ITPR1: variants seen among roughly 807,000 people sequenced by gnomAD.
The protein encoded by ITPR1 is inositol 1,4,5-trisphosphate-gated calcium channel ITPR1.
In ITPR1, 96 loss-of-function variants were observed where a neutral mutation model predicts 318.4. The observed-to-expected ratio is 0.30, with a 90% CI of 0.26 to 0.36. ITPR1 has a LOEUF of 0.36. Ranked by LOEUF, ITPR1 falls within the 10% of genes least tolerant of loss-of-function variation. ITPR1 has a pLI of 1.00. For synonymous variants in ITPR1, 1,312 were observed against 1,289.9 expected, an observed-to-expected ratio of 1.02 and a Z score of -0.37; for missense variants, 2,440 against 3,460.2, an observed-to-expected ratio of 0.71 and a Z score of 7.40.
Position 4,814,584 on chromosome 3 carries a change from G to A in ITPR1, c.7701+22G>A, listed in dbSNP as rs201628446. On this transcript the variant is annotated intron_variant, in intron 58 of 61. Transcript: ENST00000649015. ...AGAGGTAAATTAATCCCGAGGGGAA[G>A]GAAGGGCAAAGGGGGCGGGTGGGGT... The A allele has an allele frequency of 1.8e-3, 2,593 of 1,468,186 alleles. 12 individuals are homozygous for A. Among genetic ancestry groups the A allele is most frequent in the Non-Finnish European group, 1.5e-3 (1,554 of 1,062,358 alleles). The allele number at this position is 1,468,186 out of a possible 1,614,324, so 90.9% of individuals were successfully genotyped here.
intron 4 of ITPR1, among the ~76,000 whole-genome samples, chr3:4,557,520 C>T (rs1316246152): frequency 1.3e-5 from 2 of 152,044 alleles, no homozygotes; most frequent in Non-Finnish European, 2.9e-5. Flanking sequence ...CTATGTTGAC[C>T]AGGTTGGCCA....
At chr3:4,726,992 A>G in intron 41 of ITPR1, 134 bp from the exon 42 acceptor site, 1 of 721,382 alleles carries the variant, frequency 1.4e-6, no homozygotes. Context: ...AAAAACAAAA[A>G]TCCAGACCTA....
intron 4 of ITPR1, among the ~76,000 whole-genome samples, chr3:4,532,260 C>T (rs1157976676): frequency 6.6e-6 from 1 of 152,178 alleles, no homozygotes; most frequent in African/African-American, 2.4e-5. Flanking sequence ...GGCATTGCTT[C>T]TGAGATCTGA....
chr3:4,804,250 G>A (rs555604872), intron 54 of ITPR1, among the ~76,000 whole-genome samples: 2 of 152,346 alleles, frequency 1.3e-5, no homozygotes, highest in South Asian at 4.2e-4. Context: ...GAGACAGAGA[G>A]AGAATATTGG....
At position 4,680,573 on chromosome 3, in the gene ITPR1, G is replaced by A. The variant is rs778697460; in HGVS notation, c.2988G>A (p.Leu996=). ...EILQFILNVR[L]DYRISCLLCI... ...TTTAGTTTATTTTGAATGTGAGGTT[G>A]GATTATAGGATCTCCTGCCTCCTGT... Residue 996 remains leucine (L), a synonymous_variant, in exon 25 of 62, where the codon TTG becomes TTA. Coordinates refer to ENST00000649015, the MANE Select transcript of ITPR1 (RefSeq NM_001378452.1). 6.2e-7 allele frequency: 1 copy of A among 1,613,102 alleles called. No individual in the cohort carries two copies. The highest frequency in any genetic ancestry group is 8.5e-7 in the Non-Finnish European group (1 of 1,179,188).
intron 40 of ITPR1, among the ~76,000 whole-genome samples, chr3:4,723,086 T>A (rs2042276893): frequency 6.6e-6 from 1 of 152,194 alleles, no homozygotes; most frequent in South Asian, 2.1e-4. Context: ...AGGCGGAGGT[T>A]GCAGTGAGCC....
At chr3:4,655,458 G>A (rs2093685105) in intron 12 of ITPR1, among the ~76,000 whole-genome samples, 1 of 152,130 alleles carries the variant, frequency 6.6e-6, no homozygotes, top group Admixed American at 6.5e-5. Context: ...GTGTGACCTT[G>A]GACAAGTTAC....
Position 4,512,424 on chromosome 3 carries a change from G to A in ITPR1, c.-16-4052G>A, listed in dbSNP as rs190388665. On this transcript the variant is annotated intron_variant, in intron 2 of 61. Coordinates refer to ENST00000649015, the MANE Select transcript of ITPR1 (RefSeq NM_001378452.1). ...CTTCCAACTTTTATTCCATGATTCTGTGTTTTTTGAAAGGTTAGAATGCTC... is the reference window on the plus strand; with the variant it reads ...CTTCCAACTTTTATTCCATGATTCTATGTTTTTTGAAAGGTTAGAATGCTC... Among the ~76,000 whole-genome samples the A allele has an allele frequency of 2.0e-5, 3 of 152,310 alleles. No homozygotes were observed. The East Asian group carries it at 5.8e-4, about 29-fold the overall frequency.
chr3:4,628,736 G>T (rs890599802), intron 5 of ITPR1, among the ~76,000 whole-genome samples: 1 of 152,182 alleles, frequency 6.6e-6, no homozygotes, highest in Non-Finnish European at 1.5e-5. Context: ...GTTGCTTGTT[G>T]CAGTGGGCTT....
At chr3:4,790,884 A>T (rs1050190090) in intron 52 of ITPR1, among the ~76,000 whole-genome samples, 2 of 152,202 alleles carry the variant, frequency 1.3e-5, no homozygotes, top group Middle Eastern at 3.2e-3. Context: ...GTGCACTCAC[A>T]TCCTCTCTCT....
At chr3:4,622,528 G>A (rs9818871) in intron 4 of ITPR1, among the ~76,000 whole-genome samples, 93,820 of 149,114 alleles carry the variant, frequency 0.63, 29,869 homozygotes, top group South Asian at 0.78. Flanking sequence ...GGTTCAAGTG[G>A]TTCTCCTGCC....
intron 18 of ITPR1, 85 bp downstream of exon 18, chr3:4,667,634 T>C: frequency 1.5e-6 from 2 of 1,322,556 alleles, no homozygotes; most frequent in Non-Finnish European, 2.1e-6. Context: ...CTACGTTTCC[T>C]TGTGCTGCTA....
intron 12 of ITPR1, among the ~76,000 whole-genome samples, chr3:4,655,338 C>A (rs73807107): frequency 0.022 from 3,404 of 152,094 alleles, 129 homozygotes; most frequent in African/African-American, 0.077. Context: ...TGTGCTCTGG[C>A]GGGTAGAGGG....
At position 4,639,467 on chromosome 3, in the gene ITPR1, C is replaced by G. The variant is rs1283485332; in HGVS notation, c.363C>G (p.Ile121Met). 1 of 1,573,686 alleles carries G rather than the reference C, an allele frequency of 6.4e-7. No homozygotes were observed. The highest frequency in any genetic ancestry group is 8.6e-7 in the Non-Finnish European group (1 of 1,157,912). ...CCGTAATCCAGTATGGCAATGTGAT[C>G]CAGGTAGGTCAAGGCAGCTCTTCCC... ...LGTVIQYGNV[I>M]QLLHLKSNKY... is the part of the protein sequence containing the mutation. Residue 121 changes from isoleucine to methionine, a missense_variant, in exon 6 of 62, where the codon ATC (isoleucine) becomes ATG (methionine). This residue lies in a region of ITPR1 where 186 missense variants were observed against 323.9 expected (regional missense o/e 0.57). Coordinates refer to ENST00000649015, the MANE Select transcript of ITPR1 (RefSeq NM_001378452.1).
chr3:4,631,178 C>T (rs1170892925), intron 5 of ITPR1, among the ~76,000 whole-genome samples: 1 of 152,210 alleles, frequency 6.6e-6, no homozygotes, highest in Non-Finnish European at 1.5e-5. Context: ...TGGGCGACTG[C>T]ATATCCAGTG....
intron 37 of ITPR1, among the ~76,000 whole-genome samples, chr3:4,708,346 G>T (rs767127839): frequency 1.3e-5 from 2 of 152,120 alleles, no homozygotes; most frequent in Admixed American, 6.5e-5. Flanking sequence ...ATCTTAACTT[G>T]ACCTATGAAA....
intron 4 of ITPR1, among the ~76,000 whole-genome samples, chr3:4,616,198 A>G (rs894863178): frequency 2.0e-5 from 3 of 152,194 alleles, no homozygotes; most frequent in African/African-American, 7.2e-5. Context: ...ATTTTAGATT[A>G]TTCTTCTACC....
At position 4,779,429 on chromosome 3, in the gene ITPR1, A is replaced by G. The variant is rs749636379; in HGVS notation, c.6292-121A>G. The G allele has an allele frequency of 6.0e-5, 42 of 694,986 alleles. No homozygotes were observed. Among genetic ancestry groups the G allele is most frequent in the Non-Finnish European group, 1.1e-4 (41 of 376,294 alleles). 43.1% of individuals were successfully genotyped at this position (694,986 alleles called of 1,614,324 possible). On this transcript the variant is annotated intron_variant, in intron 48 of 61. Transcript: ENST00000649015. This position sits in a 1 kb window ranked among gnomAD's most constrained non-coding sequence, Gnocchi z 4.0. ...GATGTCCTTAACCCAGAGCTTCCTC[A>G]TGGGGTGAAATGTTCGTCTGTTTAG...
At chr3:4,832,555 C>T (rs959843926) in intron 60 of ITPR1, among the ~76,000 whole-genome samples, 2 of 151,888 alleles carry the variant, frequency 1.3e-5, no homozygotes, top group East Asian at 1.9e-4. Flanking sequence ...AGCTTGAACC[C>T]GGTAGATAGG....
Sources: gnomAD v4.1 joint callset for allele counts (sites outside exome capture counted in the v4.1 genomes callset) on GRCh38, gnomAD v4.1.1 for gene constraint, gnomAD v4.1.1 regional missense constraint, Gnocchi (gnomAD v3.1) non-coding constraint, MANE v1.5 for transcripts, NCBI Gene and HGNC (gene_info 2026-07-23, HGNC 2026-07-21) for gene names.